PTPRM: variants seen among roughly 807,000 people sequenced by gnomAD.
PTPRM encodes the protein protein tyrosine phosphatase receptor type M.
PTPRM carries 47 observed loss-of-function variants against 186.7 expected under a neutral mutation model. The ratio of observed to expected loss-of-function variants is 0.25; its 90% CI spans 0.20 to 0.32. The LOEUF is 0.32. PTPRM is among the 10% of genes least tolerant of loss of function. PTPRM has a pLI of 1.00. For missense variants in PTPRM, 1,494 were observed against 1,865.0 expected (o/e 0.80, Z 3.66); for synonymous variants, 668 against 674.9 (o/e 0.99, Z 0.16).
intron 32 of PTPRM, among the ~76,000 whole-genome samples, chr18:8,394,896 A>G (rs566058097): frequency 6.6e-5 from 10 of 152,334 alleles, no homozygotes; most frequent in African/African-American, 2.4e-4. Flanking sequence ...AGTGCCTTCC[A>G]TGTGGCTAAG....
At chr18:7,674,198 A>T (rs1172185067) in intron 1 of PTPRM, among the ~76,000 whole-genome samples, 1 of 152,234 alleles carries the variant, frequency 6.6e-6, no homozygotes, top group African/African-American at 2.4e-5. Flanking sequence ...GGTCCCACTC[A>T]GAAGGATTCC....
At chr18:7,814,280 A>G (rs1258406533) in intron 2 of PTPRM, 1 of 152,232 alleles carries the variant, frequency 6.6e-6, no homozygotes, top group Non-Finnish European at 1.5e-5. Flanking sequence ...GTGTGTACAC[A>G]CTGTATCAGG....
intron 1 of PTPRM, among the ~76,000 whole-genome samples, chr18:7,582,925 G>T (rs1391694792): frequency 6.6e-6 from 1 of 152,184 alleles, no homozygotes; most frequent in Non-Finnish European, 1.5e-5. Flanking sequence ...TTCTCAAGGT[G>T]GCTGTGCTAT....
At chr18:8,183,705 A>G (rs1049121410) in intron 14 of PTPRM, among the ~76,000 whole-genome samples, 12 of 152,232 alleles carry the variant, frequency 7.9e-5, no homozygotes, top group Non-Finnish European at 1.2e-4. Flanking sequence ...GGAATAATCA[A>G]TGGGAGGAAT....
At chr18:7,824,133 G>A (rs566240467) in intron 2 of PTPRM, among the ~76,000 whole-genome samples, 64 of 152,232 alleles carry the variant, frequency 4.2e-4, no homozygotes, top group African/African-American at 1.4e-3. Context: ...GTCTTCATCC[G>A]GGCCTCATTG....
intron 22 of PTPRM, among the ~76,000 whole-genome samples, chr18:8,338,222 T>C (rs753198530): frequency 6.6e-6 from 1 of 151,240 alleles, no homozygotes; most frequent in African/African-American, 2.4e-5. Flanking sequence ...TGGATTGGAG[T>C]AGTTAAAGGA....
chr18:7,842,945 TATAGAGAG>T (rs1567903276), intron 2 of PTPRM, among the ~76,000 whole-genome samples: 1 of 115,112 alleles, frequency 8.7e-6, no homozygotes, highest in Non-Finnish European at 1.7e-5. Context: ...TATATATATA[TATAGAGAG>T]AGAGAGAGAG....
chr18:7,981,423 A>G (rs2147449185), intron 7 of PTPRM, among the ~76,000 whole-genome samples: 1 of 152,290 alleles, frequency 6.6e-6, no homozygotes, highest in African/African-American at 2.4e-5. Context: ...CTGCATTAGT[A>G]GTGCCTAATC....
At chr18:7,773,053 T>C (rs567444006) in intron 1 of PTPRM, among the ~76,000 whole-genome samples, 1 of 152,242 alleles carries the variant, frequency 6.6e-6, no homozygotes, top group African/African-American at 2.4e-5. Flanking sequence ...ACGTGCTGAA[T>C]GCTATTGATG....
At chr18:8,116,127 G>A (rs1013559008) in intron 13 of PTPRM, among the ~76,000 whole-genome samples, 2 of 152,134 alleles carry the variant, frequency 1.3e-5, no homozygotes, top group Non-Finnish European at 2.9e-5. Context: ...AATTATTACA[G>A]GACGATGAAG....
At chr18:8,125,391 A>C (rs536847263) in intron 13 of PTPRM, among the ~76,000 whole-genome samples, 1 of 152,206 alleles carries the variant, frequency 6.6e-6, no homozygotes, top group South Asian at 2.1e-4. Context: ...AGAAATACAT[A>C]ACTACCCAGT....
intron 20 of PTPRM, among the ~76,000 whole-genome samples, chr18:8,314,543 G>A (rs1291464457): frequency 6.6e-6 from 1 of 152,130 alleles, no homozygotes; most frequent in African/African-American, 2.4e-5. Flanking sequence ...AATGCTTTAG[G>A]CCCGTCAATG....
intron 22 of PTPRM, among the ~76,000 whole-genome samples, chr18:8,324,797 T>C (rs2095365735): frequency 6.6e-6 from 1 of 152,168 alleles, no homozygotes; most frequent in Non-Finnish European, 1.5e-5. Flanking sequence ...GTCACAGACC[T>C]AAAAGTGCAA....
chr18:7,678,729 T>C (rs1214281629), intron 1 of PTPRM, among the ~76,000 whole-genome samples: 1 of 152,270 alleles, frequency 6.6e-6, no homozygotes, highest in Non-Finnish European at 1.5e-5. Flanking sequence ...TGCTGGTCTG[T>C]ACCTATTGAT....
chr18:8,202,919 G>GCCT (rs1401157007), intron 14 of PTPRM, among the ~76,000 whole-genome samples: 1 of 152,120 alleles, frequency 6.6e-6, no homozygotes, highest in Non-Finnish European at 1.5e-5. Context: ...GTCTCCACAG[G>GCCT]CCTCCTCTTC....
At chr18:7,879,996 T>C (rs1291674358) in intron 2 of PTPRM, among the ~76,000 whole-genome samples, 1 of 152,122 alleles carries the variant, frequency 6.6e-6, no homozygotes, top group African/African-American at 2.4e-5. Flanking sequence ...AACACATCCT[T>C]CTTCACATGG....
intron 23 of PTPRM, among the ~76,000 whole-genome samples, chr18:8,344,037 T>G (rs968888808): frequency 6.6e-6 from 1 of 152,222 alleles, no homozygotes; most frequent in South Asian, 2.1e-4. Flanking sequence ...AGTAACTGTT[T>G]ATGAGCAGTG....
At chr18:8,140,086 C>T (rs2092728858) in intron 13 of PTPRM, among the ~76,000 whole-genome samples, 1 of 152,340 alleles carries the variant, frequency 6.6e-6, no homozygotes, top group East Asian at 1.9e-4. Context: ...TGAGCTGTCC[C>T]TGCGGCTCTT....
chr18:8,389,818 A>T (rs1394773394), intron 31 of PTPRM, among the ~76,000 whole-genome samples: 1 of 152,188 alleles, frequency 6.6e-6, no homozygotes, highest in Non-Finnish European at 1.5e-5. Flanking sequence ...CATTCAGCAT[A>T]GTGTAGCGCC....
Sources: allele counts gnomAD v4.1 joint callset (sites outside exome capture counted in the v4.1 genomes callset), GRCh38; gene constraint gnomAD v4.1.1; transcripts MANE v1.5; gene names NCBI Gene and HGNC (gene_info 2026-07-23, HGNC 2026-07-21).